DTNB: variants seen among roughly 807,000 people sequenced by gnomAD.
DTNB encodes the protein DTN-B.
In DTNB, 63 loss-of-function variants were observed where a neutral mutation model predicts 90.7. That is an observed-to-expected ratio of 0.69 (90% confidence interval 0.57 to 0.86). The LOEUF (loss-of-function observed/expected upper bound fraction) is 0.86. DTNB is among the 40% of genes least tolerant of loss of function. The pLI is 0.00. For missense variants in DTNB, 744 were observed against 807.1 expected, an observed-to-expected ratio of 0.92 and a Z score of 0.95; for synonymous variants, 277 against 286.7, an observed-to-expected ratio of 0.97 and a Z score of 0.34.
chr2:25,582,534 G>A lies in DTNB; in HGVS notation c.604-1708C>T, dbSNP rs116065934. Among the ~76,000 whole-genome samples the A allele has an allele frequency of 6.2e-3, 945 of 152,250 alleles. 7 individuals carry two copies. Among genetic ancestry groups the A allele is most frequent in the African/African-American group, 0.02 (813 of 41,526 alleles). On this transcript the variant is annotated intron_variant, in intron 6 of 20. Coordinates refer to ENST00000406818, the MANE Select transcript of DTNB (RefSeq NM_021907.5). ...TCTGGAAAAGATGAAGAAAGCTGAG[G>A]GACAATCTCATCTCCAGAAAGCCTG...
rs374240206 is a variant in DTNB, at chr2:25,607,301, G to A, written c.383C>T (p.Thr128Met). The A allele has an allele frequency of 1.4e-5, 22 of 1,604,866 alleles. No individual in the cohort carries two copies. The highest frequency in any genetic ancestry group is 1.6e-4 in the Middle Eastern group (1 of 6,076). The change falls in exon 5 of 21, where the codon ACG (threonine) becomes ATG (methionine). Residue 128 changes from threonine (T) to methionine (M), a missense_variant. Physicochemically the swap from Thr to Met is moderately conservative, Grantham distance 81. Transcript: ENST00000406818. The part of the protein sequence containing the change: ...AYDSEGRGKL[T>M]VFSVKAMLAT... ...TAACATAGCTTTAACTGAAAATACC[G>A]TCAACTTGCCTCGGCCCTCACTGCA... is the stretch of plus-strand genomic sequence containing the variant.
chr2:25,627,953 G>A (rs1274965291), intron 4 of DTNB, among the ~76,000 whole-genome samples: 4 of 152,158 alleles, frequency 2.6e-5, no homozygotes, highest in East Asian at 1.9e-4. Flanking sequence ...AGCCGGGATG[G>A]TCTCCATCTC....
intron 15 of DTNB, among the ~76,000 whole-genome samples, chr2:25,423,303 G>C (rs936457777): frequency 2.0e-5 from 3 of 152,104 alleles, no homozygotes; most frequent in African/African-American, 7.2e-5. Context: ...GTGACACTTA[G>C]GAACTCAATA....
intron 5 of DTNB, 72 bp downstream of exon 5, chr2:25,607,164 A>C: frequency 6.7e-7 from 1 of 1,487,006 alleles, no homozygotes; most frequent in Non-Finnish European, 9.2e-7. Context: ...ACATCATTCA[A>C]AATTCTGACA....
chr2:25,421,432 G>A (rs993466642), intron 15 of DTNB, among the ~76,000 whole-genome samples: 3 of 152,334 alleles, frequency 2.0e-5, no homozygotes, highest in South Asian at 2.1e-4. Flanking sequence ...CTCTGGCAGC[G>A]GGAAGGAATT....
rs370902922 is a variant in DTNB, at chr2:25,664,847, G to T, written c.-2+8539C>A. 2.6e-5 allele frequency among the ~76,000 whole-genome samples: 4 copies of T among 152,236 alleles called. No homozygotes were observed. In the East Asian group the frequency reaches 5.8e-4, roughly 22 times the overall value. On this transcript the variant is annotated intron_variant, in intron 1 of 20. Coordinates refer to ENST00000406818, the MANE Select transcript of DTNB (RefSeq NM_021907.5). ...GAGTTGACCATGACGATGCTAAAGC[G>T]CTAGAGCCCATTTTCTTTCTATTGT...
chr2:25,394,456 AC>A (rs2041927607), intron 16 of DTNB, among the ~76,000 whole-genome samples: 1 of 152,240 alleles, frequency 6.6e-6, no homozygotes, highest in Non-Finnish European at 1.5e-5. Context: ...TTAACAAACA[AC>A]CCACAGAGTG....
At position 25,564,335 on chromosome 2, in the gene DTNB, T is replaced by C. The variant is rs148089752; in HGVS notation, c.876+12503A>G. 1.8e-3 allele frequency among the ~76,000 whole-genome samples: 277 copies of C among 152,300 alleles called. 2 individuals are homozygous for C. The highest frequency in any genetic ancestry group is 6.4e-3 in the African/African-American group (266 of 41,570). ...CTGTCATTTTAAATGTTAAGTCTTC[T>C]AACCCATGAACACAGCATGTCTATT... On this transcript the variant is annotated intron_variant, in intron 8 of 20. Transcript: ENST00000406818.
intron 8 of DTNB, among the ~76,000 whole-genome samples, chr2:25,534,842 C>T (rs1391305870): frequency 2.7e-5 from 4 of 148,552 alleles, no homozygotes; most frequent in African/African-American, 5.0e-5. Context: ...AGGTGCCCTC[C>T]ACTTCCCAGA....
intron 10 of DTNB, among the ~76,000 whole-genome samples, chr2:25,470,369 A>ATT (rs71397496): frequency 1.6e-3 from 217 of 132,686 alleles, no homozygotes; most frequent in African/African-American, 1.8e-3. Flanking sequence ...TTACACGACA[A>ATT]TTTTTTTTTT....
intron 10 of DTNB, among the ~76,000 whole-genome samples, chr2:25,477,967 T>C (rs1437984296): frequency 5.9e-5 from 9 of 151,934 alleles, no homozygotes; most frequent in African/African-American, 1.5e-4. Flanking sequence ...TACCAAAATT[T>C]TGTTGCTATT....
rs1574120267 is a variant in DTNB, at chr2:25,657,139, G to A, written c.-1-4478C>T. ...TGCACTGAGCCGAGATCATGCCACTGCACTCCAGCCTGGGTAACAGAGTGA... is the reference window on the plus strand; with the variant it reads ...TGCACTGAGCCGAGATCATGCCACTACACTCCAGCCTGGGTAACAGAGTGA... On this transcript the variant is annotated intron_variant, in intron 1 of 20. Transcript: ENST00000406818. Among the ~76,000 whole-genome samples the A allele has an allele frequency of 3.3e-5, 5 of 152,242 alleles. 1 individual carries two copies. Among genetic ancestry groups the A allele is most frequent in the Non-Finnish European group, 7.4e-5 (5 of 68,026 alleles).
Position 25,651,003 on chromosome 2 carries a change from T to G in DTNB, c.67+1591A>C, listed in dbSNP as rs141626145. ...TAATAATAAGTAGCACAGATTTAAATAGTTCAATCTGGTAGCTGATCATAG... is the reference window on the plus strand; with the variant it reads ...TAATAATAAGTAGCACAGATTTAAAGAGTTCAATCTGGTAGCTGATCATAG... On this transcript the variant is annotated intron_variant, in intron 2 of 20. Coordinates refer to ENST00000406818, the MANE Select transcript of DTNB (RefSeq NM_021907.5). Among the ~76,000 whole-genome samples, 362 of 151,768 alleles carry G rather than the reference T, an allele frequency of 2.4e-3. 1 individual carries two copies. The highest frequency in any genetic ancestry group is 7.2e-3 in the African/African-American group (296 of 41,392).
At chr2:25,625,994 G>A (rs2074074113) in intron 4 of DTNB, among the ~76,000 whole-genome samples, 1 of 152,210 alleles carries the variant, frequency 6.6e-6, no homozygotes, top group Middle Eastern at 3.4e-3. Flanking sequence ...AGCCAGAAAG[G>A]AGGCCCTCCC....
intron 9 of DTNB, among the ~76,000 whole-genome samples, chr2:25,483,412 A>G (rs1016510700): frequency 2.6e-5 from 4 of 152,206 alleles, no homozygotes; most frequent in Admixed American, 6.5e-5. Flanking sequence ...ACTTTTAACC[A>G]GAACAGACTG....
intron 19 of DTNB, among the ~76,000 whole-genome samples, chr2:25,383,160 A>C (rs1045573411): frequency 5.3e-5 from 8 of 149,598 alleles, no homozygotes; most frequent in African/African-American, 2.0e-4. Flanking sequence ...TGAAAGTTTT[A>C]TGATTAGCTT....
chr2:25,605,232 C>T (rs1300984660), intron 5 of DTNB, among the ~76,000 whole-genome samples: 1 of 152,208 alleles, frequency 6.6e-6, no homozygotes, highest in Non-Finnish European at 1.5e-5. Context: ...AGATAAACCA[C>T]ACTTGAAATC....
chr2:25,621,609 ATTTTT>A (rs758895953), intron 4 of DTNB, among the ~76,000 whole-genome samples: 30 of 105,990 alleles, frequency 2.8e-4, no homozygotes, highest in African/African-American at 1.2e-3. Context: ...TGCCTGGCTA[ATTTTT>A]TTTTTTTTTT....
chr2:25,436,999 G>T (rs1344865394), intron 12 of DTNB, among the ~76,000 whole-genome samples: 1 of 152,150 alleles, frequency 6.6e-6, no homozygotes, highest in Non-Finnish European at 1.5e-5. Context: ...CACAGAGGAG[G>T]TTAATATAGG....
Sources: allele counts gnomAD v4.1 joint callset (sites outside exome capture counted in the v4.1 genomes callset), GRCh38; gene constraint gnomAD v4.1.1; transcripts MANE v1.5; gene names NCBI Gene and HGNC (gene_info 2026-07-23, HGNC 2026-07-21).